The following RAD18 variants were observed in gnomAD, a reference collection of about 807,000 sequenced individuals.
The protein encoded by RAD18 is E3 ubiquitin-protein ligase RAD18.
RAD18 carries 47 observed loss-of-function variants against 60.4 expected under a neutral mutation model. The observed-to-expected ratio is 0.78, with a 90% CI of 0.62 to 0.99. The LOEUF is 0.99. Among genes scored for constraint, RAD18 ranks in the 50% least tolerant of loss-of-function variants. RAD18 has a pLI of 0.00. For synonymous variants in RAD18, 225 were observed against 195.5 expected (o/e 1.15, Z -1.26); for missense variants, 640 against 593.3 (o/e 1.08, Z -0.82).
chr3:8,926,642 T>C lies in RAD18; in HGVS notation c.889+9229A>G, dbSNP rs781573650. On this transcript the variant is annotated intron_variant, in intron 7 of 12. Coordinates refer to ENST00000264926, the MANE Select transcript of RAD18 (RefSeq NM_020165.4). ...GAGAACAAAGCTGGAGGCATCATGC[T>C]ACTTGACTTCAAACTATACTACAAG... Among the ~76,000 whole-genome samples, 227 of 152,252 alleles carry C rather than the reference T, an allele frequency of 1.5e-3. 1 individual carries two copies. Among genetic ancestry groups the C allele is most frequent in the Non-Finnish European group, 2.9e-3 (196 of 68,044 alleles).
At chr3:8,909,535 A>C (rs1448200405) in intron 9 of RAD18, among the ~76,000 whole-genome samples, 1 of 152,090 alleles carries the variant, frequency 6.6e-6, no homozygotes, top group African/African-American at 2.4e-5. Context: ...AAAAAGTAAC[A>C]AATGAAAGAT....
intron 7 of RAD18, among the ~76,000 whole-genome samples, chr3:8,919,475 T>C (rs1940272657): frequency 6.6e-6 from 1 of 152,216 alleles, no homozygotes; most frequent in Non-Finnish European, 1.5e-5. Context: ...AACAGGCAAT[T>C]AATGCTCTGG....
rs373893822 is a variant in RAD18, at chr3:8,958,883, C to T, written c.133+37G>A. The T allele has an allele frequency of 3.9e-6, 6 of 1,521,528 alleles. No homozygotes were observed. The African/African-American group carries it at 4.1e-5, about 10-fold the overall frequency. 94.3% of individuals were successfully genotyped at this position (1,521,528 alleles called of 1,614,324 possible). On this transcript the variant is annotated intron_variant, in intron 2 of 12. Transcript: ENST00000264926. ...AATTAACACTACCTCATGTAAAAAT[C>T]GCAATTTACTAACTCACAGGAACAA...
chr3:8,956,087 T>C (rs189893634), intron 2 of RAD18, among the ~76,000 whole-genome samples: 3 of 152,358 alleles, frequency 2.0e-5, no homozygotes, highest in African/African-American at 4.8e-5. Context: ...TCTCAAAATA[T>C]CTTGTGCTGT....
intron 9 of RAD18, among the ~76,000 whole-genome samples, chr3:8,905,276 T>A (rs1007591192): frequency 6.6e-6 from 1 of 152,210 alleles, no homozygotes; most frequent in Non-Finnish European, 1.5e-5. Flanking sequence ...AATCATACCA[T>A]CCTTTGTGCC....
intron 1 of RAD18, 41 bp downstream of exon 1, chr3:8,963,294 C>A: frequency 6.4e-7 from 1 of 1,572,706 alleles, no homozygotes; most frequent in Non-Finnish European, 8.7e-7. Context: ...GACCTCCCCC[C>A]GCAGACACCC....
intron 7 of RAD18, among the ~76,000 whole-genome samples, chr3:8,921,157 T>G (rs1940312807): frequency 6.6e-6 from 1 of 151,928 alleles, no homozygotes; most frequent in South Asian, 2.1e-4. Flanking sequence ...AGGAACAGAG[T>G]AATTCATAAA....
chr3:8,928,238 C>G (rs902488056), intron 7 of RAD18, among the ~76,000 whole-genome samples: 3 of 151,626 alleles, frequency 2.0e-5, no homozygotes, highest in Non-Finnish European at 2.9e-5. Flanking sequence ...CTAAAAAATA[C>G]TCAGTTAATC....
intron 2 of RAD18, among the ~76,000 whole-genome samples, chr3:8,950,750 T>C (rs1350117685): frequency 1.3e-5 from 2 of 152,202 alleles, no homozygotes; most frequent in African/African-American, 4.8e-5. Context: ...TTAAAAATTA[T>C]ATGCTAAGGG....
At chr3:8,894,625 A>G (rs565181250) in intron 11 of RAD18, among the ~76,000 whole-genome samples, 1 of 152,318 alleles carries the variant, frequency 6.6e-6, no homozygotes, top group African/African-American at 2.4e-5. Context: ...TGCTAGGTAC[A>G]TGGATCTCAA....
intron 7 of RAD18, among the ~76,000 whole-genome samples, chr3:8,934,846 A>G (rs541550664): frequency 6.6e-6 from 1 of 152,260 alleles, no homozygotes; most frequent in Non-Finnish European, 1.5e-5. Context: ...AATGGATAAG[A>G]TGATACGTTT....
chr3:8,929,487 T>G (rs967717098), intron 7 of RAD18, among the ~76,000 whole-genome samples: 5 of 152,132 alleles, frequency 3.3e-5, no homozygotes, highest in African/African-American at 1.2e-4. Flanking sequence ...TGGCTATAGA[T>G]TCAACAACTT....
chr3:8,936,676 A>C (rs1259590273), intron 6 of RAD18, among the ~76,000 whole-genome samples: 1 of 152,194 alleles, frequency 6.6e-6, no homozygotes, highest in Non-Finnish European at 1.5e-5. Flanking sequence ...AGAAACTTGA[A>C]ATAATAGGTT....
At chr3:8,926,117 A>C (rs1360533249) in intron 7 of RAD18, among the ~76,000 whole-genome samples, 1 of 152,160 alleles carries the variant, frequency 6.6e-6, no homozygotes, top group Non-Finnish European at 1.5e-5. Flanking sequence ...AGAGGAAGTC[A>C]AATTGTCCCT....
At chr3:8,959,600 A>G (rs1333251596) in intron 1 of RAD18, among the ~76,000 whole-genome samples, 1 of 152,228 alleles carries the variant, frequency 6.6e-6, no homozygotes, top group Non-Finnish European at 1.5e-5. Flanking sequence ...GGAAGCCTGG[A>G]AAGAGCTGGG....
intron 4 of RAD18, among the ~76,000 whole-genome samples, chr3:8,945,226 C>T (rs1041680778): frequency 3.3e-5 from 5 of 151,970 alleles, no homozygotes; most frequent in Non-Finnish European, 7.4e-5. Flanking sequence ...TAAATTTGAT[C>T]GTTTTTAGAA....
chr3:8,910,631 T>A (rs1343203375), intron 9 of RAD18, among the ~76,000 whole-genome samples: 1 of 152,092 alleles, frequency 6.6e-6, no homozygotes, highest in Non-Finnish European at 1.5e-5. Context: ...CAGAATGTTT[T>A]GATGAAAGGA....
At chr3:8,955,535 T>A (rs1340103430) in intron 2 of RAD18, among the ~76,000 whole-genome samples, 3 of 152,108 alleles carry the variant, frequency 2.0e-5, no homozygotes, top group Non-Finnish European at 4.4e-5. Flanking sequence ...TGACCAACAT[T>A]TGAACTTTTC....
chr3:8,894,826 T>G, intron 11 of RAD18, among the ~76,000 whole-genome samples: 1 of 146,774 alleles, frequency 6.8e-6, no homozygotes, highest in African/African-American at 2.6e-5. Context: ...AGTGGCGCGA[T>G]ATCGGCTCAC....
Sources: allele counts gnomAD v4.1 joint callset (sites outside exome capture counted in the v4.1 genomes callset), GRCh38; gene constraint gnomAD v4.1.1; transcripts MANE v1.5; gene names NCBI Gene and HGNC (gene_info 2026-07-23, HGNC 2026-07-21).